Variants in PDE10A observed in about 807,000 individuals in gnomAD.
The protein encoded by PDE10A is phosphodiesterase 10A, also known as cAMP and cAMP-inhibited cGMP 3',5'-cyclic phosphodiesterase 10A.
Under a neutral mutation model 97.7 loss-of-function variants are expected in PDE10A, and 39 were observed. That is an observed-to-expected ratio of 0.40 (90% CI 0.31 to 0.52). The LOEUF (loss-of-function observed/expected upper bound fraction) is 0.52, where lower values mean the gene tolerates loss of function less well. PDE10A is among the 20% of genes least tolerant of loss of function. PDE10A has a pLI of 0.56. For synonymous variants in PDE10A, 371 were observed against 376.8 expected, an observed-to-expected ratio of 0.98 and a Z score of 0.18; for missense variants, 731 against 1,047.8, an observed-to-expected ratio of 0.70 and a Z score of 4.17.
intron 1 of PDE10A, among the ~76,000 whole-genome samples, chr6:165,560,669 G>C (rs553466589): frequency 5.9e-5 from 9 of 152,266 alleles, no homozygotes; most frequent in African/African-American, 2.2e-4. Flanking sequence ...TCCAAACTAT[G>C]TCACCCTTAA....
At chr6:165,839,885 CT>C (rs1471162390) in intron 1 of PDE10A, among the ~76,000 whole-genome samples, 5 of 152,308 alleles carry the variant, frequency 3.3e-5, no homozygotes, top group Non-Finnish European at 5.9e-5. Flanking sequence ...GCACCTCTGT[CT>C]CCATCCCCAT....
At chr6:165,712,023 C>T (rs1177078486) in intron 1 of PDE10A, among the ~76,000 whole-genome samples, 2 of 152,048 alleles carry the variant, frequency 1.3e-5, no homozygotes, top group Non-Finnish European at 2.9e-5. Context: ...TGCTGATGGG[C>T]CCTGGAAGGT....
intron 18 of PDE10A, among the ~76,000 whole-genome samples, chr6:165,355,552 A>G (rs1224523841): frequency 6.6e-6 from 1 of 152,214 alleles, no homozygotes; most frequent in East Asian, 1.9e-4. Context: ...ATTGCTGAAT[A>G]GTACAGTATT....
upstream of PDE10A, among the ~76,000 whole-genome samples, chr6:165,666,372 G>A (rs1790496512): frequency 2.6e-5 from 4 of 152,210 alleles, no homozygotes; most frequent in South Asian, 8.3e-4. Flanking sequence ...CAAAATGCAC[G>A]TTCCCTTTAC....
chr6:165,405,961 T>C (rs1354213319), intron 13 of PDE10A, among the ~76,000 whole-genome samples: 1 of 152,182 alleles, frequency 6.6e-6, no homozygotes, highest in Non-Finnish European at 1.5e-5. Context: ...GTAGGGTCCA[T>C]TAATTCTTAA....
At chr6:165,580,295 G>A (rs552025137) in intron 1 of PDE10A, among the ~76,000 whole-genome samples, 2 of 152,280 alleles carry the variant, frequency 1.3e-5, no homozygotes, top group Admixed American at 1.3e-4. Flanking sequence ...GCCTTAATGA[G>A]AAGAAATTAA....
chr6:165,583,632 A>G (rs1655321207), intron 1 of PDE10A, among the ~76,000 whole-genome samples: 1 of 152,198 alleles, frequency 6.6e-6, no homozygotes, highest in South Asian at 2.1e-4. Flanking sequence ...CCATGTCCCC[A>G]TATCCTGAAG....
At chr6:165,336,315 AT>A (rs1781644330) in intron 20 of PDE10A, 104 bp from the exon 21 acceptor site, 1 of 739,780 alleles carries the variant, frequency 1.4e-6, no homozygotes, top group Admixed American at 2.4e-5. Flanking sequence ...AGGCCTAATT[AT>A]AAAATTGCAT....
At chr6:165,912,557 A>G (rs1022795248) in intron 1 of PDE10A, among the ~76,000 whole-genome samples, 4 of 152,254 alleles carry the variant, frequency 2.6e-5, no homozygotes, top group African/African-American at 4.8e-5. Flanking sequence ...TTTTCAGCCT[A>G]CAATGGCCTA....
At chr6:165,335,615 G>C (rs754655774) in intron 21 of PDE10A, among the ~76,000 whole-genome samples, 2 of 152,058 alleles carry the variant, frequency 1.3e-5, no homozygotes, top group Non-Finnish European at 2.9e-5. Flanking sequence ...TTCTATCCCA[G>C]GCCTGAGGAC....
intron 6 of PDE10A, among the ~76,000 whole-genome samples, chr6:165,434,169 T>C (rs901047141): frequency 4.0e-5 from 6 of 151,434 alleles, no homozygotes; most frequent in African/African-American, 1.5e-4. Context: ...GTACTTGTAA[T>C]GTACAGATCT....
chr6:165,771,147 A>C (rs1275952013), intron 1 of PDE10A, among the ~76,000 whole-genome samples: 1 of 152,242 alleles, frequency 6.6e-6, no homozygotes, highest in Non-Finnish European at 1.5e-5. Context: ...GGCACCAAAT[A>C]GTCTCTGCCT....
chr6:165,588,374 T>C (rs1317476652), intron 1 of PDE10A, among the ~76,000 whole-genome samples: 19 of 135,348 alleles, frequency 1.4e-4, no homozygotes, highest in African/African-American at 4.7e-4. Flanking sequence ...CACTGCAACC[T>C]CCACCTCCTA....
chr6:165,983,281 G>A (rs541667431), intron 1 of PDE10A, among the ~76,000 whole-genome samples: 2 of 152,310 alleles, frequency 1.3e-5, no homozygotes, highest in East Asian at 3.9e-4. Context: ...ATCAGCATAA[G>A]GAATCTTCTA....
intron 1 of PDE10A, among the ~76,000 whole-genome samples, chr6:165,765,491 G>C (rs1777814388): frequency 1.3e-5 from 2 of 152,352 alleles, no homozygotes; most frequent in Admixed American, 1.3e-4. Flanking sequence ...TGGCACTGCT[G>C]GGGGACCCAG....
chr6:165,539,693 G>A (rs538119020), intron 2 of PDE10A, among the ~76,000 whole-genome samples: 6 of 152,266 alleles, frequency 3.9e-5, no homozygotes, highest in East Asian at 1.9e-4. Flanking sequence ...AGGCTGGGGT[G>A]GGGGATCACT....
intron 1 of PDE10A, among the ~76,000 whole-genome samples, chr6:165,825,175 A>C (rs1180561762): frequency 6.6e-6 from 1 of 151,404 alleles, no homozygotes. Flanking sequence ...AAAAGAAAAA[A>C]AAAGAAAGGG....
At chr6:165,436,153 T>C (rs1789999430) in intron 5 of PDE10A, among the ~76,000 whole-genome samples, 1 of 152,324 alleles carries the variant, frequency 6.6e-6, no homozygotes, top group South Asian at 2.1e-4. Flanking sequence ...CATGATTATC[T>C]ACAAAATTTG....
intron 1 of PDE10A, among the ~76,000 whole-genome samples, chr6:165,642,078 G>T (rs1289164683): frequency 6.6e-6 from 1 of 152,118 alleles, no homozygotes; most frequent in African/African-American, 2.4e-5. Flanking sequence ...TTGACTCTGG[G>T]AAGGTGGAAT....
Sources: gnomAD v4.1 joint callset for allele counts (sites outside exome capture counted in the v4.1 genomes callset) on GRCh38, gnomAD v4.1.1 for gene constraint, MANE v1.5 for transcripts, NCBI Gene and HGNC (gene_info 2026-07-23, HGNC 2026-07-21) for gene names.